The following GTF2A1L variants were observed in gnomAD, a reference collection of about 807,000 sequenced individuals.
GTF2A1L encodes the protein TFIIA-alpha and beta-like factor.
A neutral mutation model predicts 49.7 loss-of-function variants in GTF2A1L; 48 were observed. The ratio of observed to expected loss-of-function variants is 0.97; its 90% confidence interval spans 0.77 to 1.23. The LOEUF is 1.23. Ranked by LOEUF, GTF2A1L falls within the 50% of genes most tolerant of loss-of-function variation. The pLI, the probability that GTF2A1L is intolerant of heterozygous loss-of-function variation, is 0.00. For synonymous variants in GTF2A1L, 246 were observed against 193.5 expected, an observed-to-expected ratio of 1.27 and a Z score of -2.25; for missense variants, 736 against 564.8, an observed-to-expected ratio of 1.30 and a Z score of -3.07.
intron 8 of GTF2A1L, among the ~76,000 whole-genome samples, chr2:48,677,394 C>A (rs1410520480): frequency 6.6e-6 from 1 of 151,834 alleles, no homozygotes; most frequent in East Asian, 1.9e-4. Context: ...AGGGAATGAA[C>A]TGTGAGGATA....
intron 4 of GTF2A1L, 69 bp from the exon 5 acceptor site, chr2:48,644,964 G>A (rs1230963777): frequency 4.3e-6 from 6 of 1,406,728 alleles, no homozygotes; most frequent in Non-Finnish European, 9.6e-7. Context: ...GACTCCCTGT[G>A]AGATCAGGGA....
chr2:48,636,413 T>A (rs1484206682), intron 3 of GTF2A1L, among the ~76,000 whole-genome samples: 1 of 152,214 alleles, frequency 6.6e-6, no homozygotes, highest in Non-Finnish European at 1.5e-5. Flanking sequence ...TCTTTGTGGT[T>A]GTTCCTGCTG....
chr2:48,621,016 T>C (rs1675966082), intron 2 of GTF2A1L, 64 bp downstream of exon 2: 1 of 1,545,480 alleles, frequency 6.5e-7, no homozygotes, highest in Admixed American at 1.9e-5. Context: ...ACAAAACTGA[T>C]ATAGTTCTGA....
chr2:48,650,211 G>T (rs368188620), intron 6 of GTF2A1L, among the ~76,000 whole-genome samples: 4 of 152,280 alleles, frequency 2.6e-5, no homozygotes, highest in African/African-American at 9.6e-5. Context: ...ACACTCGTGT[G>T]TAGTGGAGTA....
intron 1 of GTF2A1L, among the ~76,000 whole-genome samples, chr2:48,620,571 A>C (rs1406344077): frequency 1.3e-5 from 2 of 152,126 alleles, no homozygotes; most frequent in Non-Finnish European, 2.9e-5. Context: ...CGAGGCCAGG[A>C]GTTCGAGACC....
intron 1 of GTF2A1L, among the ~76,000 whole-genome samples, chr2:48,620,636 G>T (rs1675932654): frequency 6.6e-6 from 1 of 152,108 alleles, no homozygotes; most frequent in Non-Finnish European, 1.5e-5. Flanking sequence ...AATTAGCGGG[G>T]CATGGTGGCA....
chr2:48,621,333 A>T (rs747458024), intron 3 of GTF2A1L, 43 bp downstream of exon 3: 2 of 1,612,730 alleles, frequency 1.2e-6, no homozygotes, highest in South Asian at 1.1e-5. Context: ...TATCTTCAGA[A>T]CAAATTCTCA....
At position 48,659,286 on chromosome 2, in the gene GTF2A1L, G is replaced by A. The variant is rs574345853; in HGVS notation, c.979-10436G>A. Among the ~76,000 whole-genome samples the A allele has an allele frequency of 3.9e-5, 6 of 152,150 alleles. No individual in the cohort carries two copies. The South Asian group carries it at 1.2e-3, about 32-fold the overall frequency. On this transcript the variant is annotated intron_variant, in intron 6 of 8. Transcript: ENST00000403751. Reference sequence around the variant, plus strand: ...TTATTCCATCAAATATGTTTTCTAGGTTGTTTAGTTTTTCTCTTTCAAGAA... The same window carrying A: ...TTATTCCATCAAATATGTTTTCTAGATTGTTTAGTTTTTCTCTTTCAAGAA...
intron 3 of GTF2A1L, among the ~76,000 whole-genome samples, chr2:48,641,916 C>T (rs1677217941): frequency 6.6e-6 from 1 of 152,040 alleles, no homozygotes; most frequent in African/African-American, 2.4e-5. Flanking sequence ...TTCATTTGTT[C>T]CTAAAACTGT....
chr2:48,673,651 C>T (rs939546880), intron 8 of GTF2A1L, among the ~76,000 whole-genome samples: 3 of 151,830 alleles, frequency 2.0e-5, no homozygotes, highest in Non-Finnish European at 4.4e-5. Context: ...TGCACCCAGC[C>T]GACACAGGAA....
At chr2:48,657,286 A>G (rs1179815356) in intron 6 of GTF2A1L, among the ~76,000 whole-genome samples, 5 of 151,984 alleles carry the variant, frequency 3.3e-5, no homozygotes, top group Non-Finnish European at 7.4e-5. Context: ...CCCAATGTCT[A>G]TTATTTCCAC....
chr2:48,621,625 A>AG (rs1243507479), intron 3 of GTF2A1L, among the ~76,000 whole-genome samples: 1 of 152,212 alleles, frequency 6.6e-6, no homozygotes, highest in Non-Finnish European at 1.5e-5. Context: ...TAGAAGTGGC[A>AG]GAGGGAAAGG....
At chr2:48,640,759 G>A (rs1572720274) in intron 3 of GTF2A1L, among the ~76,000 whole-genome samples, 1 of 152,198 alleles carries the variant, frequency 6.6e-6, no homozygotes, top group East Asian at 1.9e-4. Context: ...CTTTTAGTTT[G>A]AGTAAAAATA....
chr2:48,619,791 T>C (rs1015293963), intron 1 of GTF2A1L, among the ~76,000 whole-genome samples: 6 of 152,202 alleles, frequency 3.9e-5, no homozygotes, highest in African/African-American at 1.4e-4. Context: ...ACATACCCTC[T>C]TTTTTGTTGC....
chr2:48,638,631 A>G (rs2104153134), intron 3 of GTF2A1L, among the ~76,000 whole-genome samples: 1 of 152,296 alleles, frequency 6.6e-6, no homozygotes, highest in Admixed American at 6.5e-5. Context: ...CTGAATGGGG[A>G]AAAGCTGAAT....
intron 1 of GTF2A1L, among the ~76,000 whole-genome samples, chr2:48,620,520 C>T (rs1429407623): frequency 6.6e-6 from 1 of 152,190 alleles, no homozygotes; most frequent in Non-Finnish European, 1.5e-5. Flanking sequence ...TGGCTCATGC[C>T]TGTAATCCCA....
At chr2:48,649,100 A>G (rs6712571) in intron 6 of GTF2A1L, among the ~76,000 whole-genome samples, 146,011 of 152,308 alleles carry the variant, frequency 0.96, 70,043 homozygotes, top group East Asian at 1. Context: ...GATAGCTTTT[A>G]ATTCTGCCCC....
chr2:48,670,799 A>G (rs904290361), intron 7 of GTF2A1L, among the ~76,000 whole-genome samples: 1 of 148,996 alleles, frequency 6.7e-6, no homozygotes, highest in East Asian at 1.9e-4. Flanking sequence ...CAGTCTTGTA[A>G]TTATTAAATG....
At chr2:48,629,421 C>A (rs1558705566) in intron 3 of GTF2A1L, among the ~76,000 whole-genome samples, 1 of 144,038 alleles carries the variant, frequency 6.9e-6, no homozygotes, top group Non-Finnish European at 1.6e-5. Flanking sequence ...GTTCTGTTGG[C>A]TTTCTTGGGT....
Sources: allele counts gnomAD v4.1 joint callset (sites outside exome capture counted in the v4.1 genomes callset), GRCh38; gene constraint gnomAD v4.1.1; transcripts MANE v1.5; gene names NCBI Gene and HGNC (gene_info 2026-07-23, HGNC 2026-07-21).